The following TCF12 variants were observed in gnomAD, a reference collection of about 807,000 sequenced individuals.
TCF12 encodes DNA-binding protein HTF4.
In TCF12, 45 loss-of-function variants were observed where a neutral mutation model predicts 86.0. The ratio of observed to expected loss-of-function variants is 0.52; its 90% CI spans 0.41 to 0.67. The LOEUF (loss-of-function observed/expected upper bound fraction) is 0.67. Among genes scored for constraint, TCF12 ranks in the 30% least tolerant of loss-of-function variants. TCF12 has a pLI of 0.00. For missense variants in TCF12, 881 were observed against 859.9 expected, an observed-to-expected ratio of 1.02 and a Z score of -0.31; for synonymous variants, 330 against 299.6, an observed-to-expected ratio of 1.10 and a Z score of -1.05.
At chr15:57,170,722 TTATATATTATATATAA>T (rs2055359322) in intron 6 of TCF12, among the ~76,000 whole-genome samples, 2 of 25,890 alleles carry the variant, frequency 7.7e-5, no homozygotes, top group Admixed American at 7.8e-4. Context: ...AATATATATA[TTATATATTATATATAA>T]TATATATTAT....
intron 3 of TCF12, among the ~76,000 whole-genome samples, chr15:56,981,338 C>T (rs1169230646): frequency 6.6e-6 from 1 of 152,196 alleles, no homozygotes; most frequent in Admixed American, 6.6e-5. Flanking sequence ...TGAAGCCATG[C>T]ATTGATGCCT....
intron 17 of TCF12, 87 bp from the exon 18 acceptor site, chr15:57,263,025 A>C: frequency 7.2e-7 from 1 of 1,390,980 alleles, no homozygotes; most frequent in Non-Finnish European, 9.7e-7. Flanking sequence ...AAGGATATTC[A>C]CCAGCTAGAA....
intron 5 of TCF12, among the ~76,000 whole-genome samples, chr15:57,123,339 A>C (rs1462277109): frequency 6.6e-6 from 1 of 152,182 alleles, no homozygotes; most frequent in Non-Finnish European, 1.5e-5. Context: ...CAATGTTTAA[A>C]ATTTTTTAAT....
At chr15:57,228,190 G>A (rs192927774) in intron 8 of TCF12, among the ~76,000 whole-genome samples, 4 of 152,160 alleles carry the variant, frequency 2.6e-5, no homozygotes, top group Admixed American at 1.3e-4. Flanking sequence ...GTGCTTTGCC[G>A]CAAGAAGTCT....
chr15:57,270,005 C>A (rs993651604), intron 18 of TCF12, among the ~76,000 whole-genome samples: 15 of 152,152 alleles, frequency 9.9e-5, no homozygotes, highest in African/African-American at 3.6e-4. Flanking sequence ...TCCTTCATTT[C>A]AACCTTGGTG....
intron 3 of TCF12, among the ~76,000 whole-genome samples, chr15:56,981,530 G>A (rs982365556): frequency 3.9e-5 from 6 of 152,088 alleles, no homozygotes; most frequent in Non-Finnish European, 5.9e-5. Flanking sequence ...TGTGGCATTG[G>A]GGATTAAGTT....
chr15:57,121,521 C>G (rs1361247562), intron 5 of TCF12, among the ~76,000 whole-genome samples: 2 of 152,128 alleles, frequency 1.3e-5, no homozygotes, highest in African/African-American at 2.4e-5. Context: ...TATGAAGTGG[C>G]TCAAGGTCGA....
At chr15:57,014,862 T>TTTATTATTATTA (rs139828642) in intron 3 of TCF12, among the ~76,000 whole-genome samples, 195 of 145,392 alleles carry the variant, frequency 1.3e-3, no homozygotes, top group African/African-American at 4.4e-3. Flanking sequence ...TCTCTGGACC[T>TTTATTATTATTA]TTATTATTAT....
chr15:57,005,974 C>T (rs2064348105), intron 3 of TCF12, among the ~76,000 whole-genome samples: 2 of 152,098 alleles, frequency 1.3e-5, no homozygotes, highest in African/African-American at 2.4e-5. Context: ...TTTGGTAGAC[C>T]TTTTTTCCAA....
chr15:57,200,967 T>C (rs377397743), intron 8 of TCF12, among the ~76,000 whole-genome samples: 195 of 152,078 alleles, frequency 1.3e-3, no homozygotes, highest in Non-Finnish European at 2.3e-3. Context: ...ATGTTTGGAG[T>C]GGGAAATTCG....
rs191370262 is a variant in TCF12 at position 57,153,457 on chromosome 15, A to G, written c.326-12945A>G. Reference sequence around the variant, plus strand: ...TAGTGTGCCAACCCATGATCTATACAAAGAAATGAGAGCTCCAGAAATGGT... The same window carrying G: ...TAGTGTGCCAACCCATGATCTATACGAAGAAATGAGAGCTCCAGAAATGGT... On this transcript the variant is annotated intron_variant, in intron 5 of 20. Transcript: ENST00000333725. Among the ~76,000 whole-genome samples, 588 of 152,340 alleles carry G rather than the reference A, an allele frequency of 3.9e-3. 3 individuals carry two copies. Among genetic ancestry groups the G allele is most frequent in the African/African-American group, 0.01 (418 of 41,570 alleles).
chr15:57,196,190 A>G (rs950420332), intron 7 of TCF12, among the ~76,000 whole-genome samples: 4 of 151,834 alleles, frequency 2.6e-5, no homozygotes, highest in Non-Finnish European at 2.9e-5. Context: ...GTAATGGGTG[A>G]TTGCATCTGT....
At position 57,186,235 on chromosome 15, in the gene TCF12, A is replaced by G. The variant is rs567124739; in HGVS notation, c.391-5923A>G. ...AGTCCAAGGCAGGACCCAGTGGCTC[A>G]TGCCTGTAATCCTAGCACTTTGGCA... On this transcript the variant is annotated intron_variant, in intron 6 of 20. Transcript: ENST00000333725. Among the ~76,000 whole-genome samples, 4 of 152,340 alleles carry G rather than the reference A, an allele frequency of 2.6e-5. No individual in the cohort carries two copies. The South Asian group carries it at 8.3e-4, about 32-fold the overall frequency.
At chr15:57,004,510 G>A (rs12595644) in intron 3 of TCF12, among the ~76,000 whole-genome samples, 27,756 of 152,060 alleles carry the variant, frequency 0.18, 3,013 homozygotes, top group Non-Finnish European at 0.24. Context: ...CCAGGTTCAC[G>A]CCATTCTCCT....
intron 5 of TCF12, among the ~76,000 whole-genome samples, chr15:57,110,105 C>T (rs2050388708): frequency 6.6e-6 from 1 of 152,166 alleles, no homozygotes; most frequent in African/African-American, 2.4e-5. Context: ...CCTTTCTCAG[C>T]ATGCATTCTC....
At chr15:57,111,274 T>A (rs567532720) in intron 5 of TCF12, among the ~76,000 whole-genome samples, 4 of 152,206 alleles carry the variant, frequency 2.6e-5, no homozygotes, top group Non-Finnish European at 4.4e-5. Context: ...CAAACTCTTA[T>A]GAAAACATAG....
At chr15:57,250,168 A>T (rs767974104) in intron 13 of TCF12, among the ~76,000 whole-genome samples, 1 of 152,202 alleles carries the variant, frequency 6.6e-6, no homozygotes, top group Admixed American at 6.5e-5. Context: ...TTTTTAATAG[A>T]TGACCCCAAG....
chr15:56,960,412 C>G (rs16977170), intron 3 of TCF12, among the ~76,000 whole-genome samples: 12,307 of 149,724 alleles, frequency 0.082, 862 homozygotes, highest in Admixed American at 0.2. Context: ...TTTTGTTGAC[C>G]CAAGGCTACT....
chr15:57,164,753 T>C (rs1197742105), intron 5 of TCF12, among the ~76,000 whole-genome samples: 1 of 152,230 alleles, frequency 6.6e-6, no homozygotes, highest in Non-Finnish European at 1.5e-5. Flanking sequence ...CGATCTTGGC[T>C]GACCACAACC....
Sources: allele counts gnomAD v4.1 joint callset (sites outside exome capture counted in the v4.1 genomes callset), GRCh38; gene constraint gnomAD v4.1.1; transcripts MANE v1.5; gene names NCBI Gene and HGNC (gene_info 2026-07-23, HGNC 2026-07-21).